PPP3CA: variants seen among roughly 807,000 people sequenced by gnomAD.
PPP3CA encodes the protein protein phosphatase 3 catalytic subunit alpha.
In PPP3CA, 14 loss-of-function variants were observed where a neutral mutation model predicts 66.5. The ratio of observed to expected loss-of-function variants is 0.21; its 90% CI spans 0.14 to 0.33. The LOEUF is 0.33. PPP3CA is among the 10% of genes least tolerant of loss of function. The pLI, the probability that PPP3CA is intolerant of heterozygous loss-of-function variation, is 1.00. For synonymous variants in PPP3CA, 232 were observed against 226.2 expected, an observed-to-expected ratio of 1.03 and a Z score of -0.23; for missense variants, 317 against 639.5, an observed-to-expected ratio of 0.50 and a Z score of 5.44.
chr4:101,129,165 G>A (rs1722343721), intron 2 of PPP3CA, among the ~76,000 whole-genome samples: 1 of 152,184 alleles, frequency 6.6e-6, no homozygotes. Context: ...CCACAGCTCA[G>A]CAATGACGAT....
intron 6 of PPP3CA, among the ~76,000 whole-genome samples, chr4:101,086,031 A>G (rs891360749): frequency 6.6e-6 from 1 of 152,196 alleles, no homozygotes; most frequent in African/African-American, 2.4e-5. Context: ...GAGGGGCGGT[A>G]TAAGTTCAAG....
intron 2 of PPP3CA, among the ~76,000 whole-genome samples, chr4:101,130,132 A>T (rs1464293388): frequency 6.6e-6 from 1 of 152,024 alleles, no homozygotes; most frequent in Non-Finnish European, 1.5e-5. Context: ...AAATTGACCA[A>T]GCGGAAGAAA....
intron 1 of PPP3CA, among the ~76,000 whole-genome samples, chr4:101,260,812 ATCTT>A (rs1560686076): frequency 6.6e-6 from 1 of 152,164 alleles, no homozygotes. Context: ...GTATTAATTT[ATCTT>A]TCTAATTAAC....
chr4:101,318,360 T>C (rs538299820), intron 1 of PPP3CA, among the ~76,000 whole-genome samples: 3 of 152,280 alleles, frequency 2.0e-5, no homozygotes, highest in Admixed American at 2.0e-4. Context: ...GACTTTCCCA[T>C]GAAAGGAAAC....
At chr4:101,231,426 T>C (rs542038918) in intron 1 of PPP3CA, among the ~76,000 whole-genome samples, 5 of 151,916 alleles carry the variant, frequency 3.3e-5, no homozygotes, top group East Asian at 3.9e-4. Context: ...GAGGTATAGT[T>C]AGTTTATTTA....
Position 101,277,922 on chromosome 4 carries a change from A to G in PPP3CA, c.58+68817T>C, listed in dbSNP as rs1019646390. On this transcript the variant is annotated intron_variant, in intron 1 of 13. Coordinates refer to ENST00000394854, the MANE Select transcript of PPP3CA (RefSeq NM_000944.5). The stretch of plus-strand genomic sequence containing the variant: ...AAGTCATAACACTGAGATAGTGACT[A>G]TATTAGTCCTATAAATCCCCTTCCT... Among the ~76,000 whole-genome samples the G allele has an allele frequency of 2.0e-5, 3 of 152,278 alleles. No individual in the cohort carries two copies. In the South Asian group the frequency reaches 6.2e-4, roughly 32 times the overall value.
At chr4:101,080,931 C>T (rs755409424) in intron 7 of PPP3CA, among the ~76,000 whole-genome samples, 16 of 152,044 alleles carry the variant, frequency 1.1e-4, no homozygotes, top group Non-Finnish European at 1.9e-4. Context: ...ATGTGTTCAA[C>T]AGAAGGCTGA....
At chr4:101,234,133 C>T (rs1726051158) in intron 1 of PPP3CA, among the ~76,000 whole-genome samples, 1 of 151,734 alleles carries the variant, frequency 6.6e-6, no homozygotes, top group Non-Finnish European at 1.5e-5. Flanking sequence ...TTTCTTTATC[C>T]AATCTGCCAC....
chr4:101,197,365 T>G (rs772090772), intron 1 of PPP3CA, among the ~76,000 whole-genome samples: 3 of 152,224 alleles, frequency 2.0e-5, no homozygotes, highest in Non-Finnish European at 2.9e-5. Context: ...TACAGATGGA[T>G]GCAAGCATGA....
At chr4:101,321,408 T>C (rs533763162) in intron 1 of PPP3CA, among the ~76,000 whole-genome samples, 3 of 152,254 alleles carry the variant, frequency 2.0e-5, no homozygotes, top group Non-Finnish European at 2.9e-5. Context: ...TGGGTGTTAC[T>C]GCAGCATGCA....
intron 1 of PPP3CA, among the ~76,000 whole-genome samples, chr4:101,236,445 G>C (rs1726134575): frequency 6.6e-6 from 1 of 151,862 alleles, no homozygotes; most frequent in Non-Finnish European, 1.5e-5. Context: ...GGAGTGCTAG[G>C]CACCAAACTA....
intron 1 of PPP3CA, among the ~76,000 whole-genome samples, chr4:101,237,495 A>G (rs992502876): frequency 2.0e-5 from 3 of 152,054 alleles, no homozygotes; most frequent in African/African-American, 7.2e-5. Flanking sequence ...TTGCATAAAG[A>G]TTTGGTTGAC....
At chr4:101,142,034 AGAG>A in intron 2 of PPP3CA, among the ~76,000 whole-genome samples, 1 of 146,564 alleles carries the variant, frequency 6.8e-6, no homozygotes, top group Non-Finnish European at 1.5e-5. Context: ...CACACCATTT[AGAG>A]GAGGAAACAA....
At chr4:101,215,421 C>T (rs553699683) in intron 1 of PPP3CA, among the ~76,000 whole-genome samples, 2 of 152,106 alleles carry the variant, frequency 1.3e-5, no homozygotes, top group South Asian at 2.1e-4. Flanking sequence ...GCATTATTAT[C>T]GATTTCTTCC....
chr4:101,136,671 T>C (rs891400519), intron 2 of PPP3CA, among the ~76,000 whole-genome samples: 3 of 151,794 alleles, frequency 2.0e-5, no homozygotes, highest in Admixed American at 1.3e-4. Flanking sequence ...GGCAAGAAAA[T>C]ATAACAGGCT....
intron 2 of PPP3CA, among the ~76,000 whole-genome samples, chr4:101,135,231 A>G (rs1165738617): frequency 7.4e-6 from 1 of 135,120 alleles, no homozygotes; most frequent in Non-Finnish European, 1.5e-5. Context: ...CAATAAAAAA[A>G]TTTTAATCCT....
At chr4:101,184,193 T>C (rs1156974897) in intron 2 of PPP3CA, among the ~76,000 whole-genome samples, 1 of 152,150 alleles carries the variant, frequency 6.6e-6, no homozygotes, top group African/African-American at 2.4e-5. Context: ...GCTCGTTAGT[T>C]GTGATACAGG....
chr4:101,080,922 T>G (rs552798775), intron 7 of PPP3CA, among the ~76,000 whole-genome samples: 1 of 152,124 alleles, frequency 6.6e-6, no homozygotes, highest in African/African-American at 2.4e-5. Flanking sequence ...TTCATTTCCA[T>G]GTGTTCAACA....
rs565196118 is a variant in PPP3CA at position 101,057,108 on chromosome 4, G to A, written c.1156+3979C>T. 1.1e-4 allele frequency among the ~76,000 whole-genome samples: 16 copies of A among 151,092 alleles called. No individual in the cohort carries two copies. In the South Asian group the frequency reaches 2.9e-3, roughly 28 times the overall value. On this transcript the variant is annotated intron_variant, in intron 10 of 13. Transcript: ENST00000394854. ...CTCACTGTGTCACCCAGGTTGGAGT[G>A]CACTGGTGCAATCACGGCTCACTGC...
Sources: allele counts gnomAD v4.1 joint callset (sites outside exome capture counted in the v4.1 genomes callset), GRCh38; gene constraint gnomAD v4.1.1; transcripts MANE v1.5; gene names NCBI Gene and HGNC (gene_info 2026-07-23, HGNC 2026-07-21).